DCC: variants seen among roughly 807,000 people sequenced by gnomAD.
DCC encodes DCC netrin 1 receptor.
A neutral mutation model predicts 172.5 loss-of-function variants in DCC; 58 were observed. That is an observed-to-expected ratio of 0.34 (90% CI 0.27 to 0.42). The LOEUF is 0.42. Ranked by LOEUF, DCC falls within the 10% of genes least tolerant of loss-of-function variation. DCC has a pLI of 1.00. For missense variants in DCC, 1,740 were observed against 1,791.0 expected (o/e 0.97, Z 0.51); for synonymous variants, 709 against 644.5 (o/e 1.10, Z -1.52).
chr18:53,427,677 G>T (rs896665667), intron 21 of DCC, among the ~76,000 whole-genome samples: 1 of 150,342 alleles, frequency 6.7e-6, no homozygotes, highest in East Asian at 1.9e-4. Flanking sequence ...ATCTTGATCT[G>T]TCCAGCTCCT....
At chr18:52,434,204 A>G (rs1490805125) in intron 1 of DCC, among the ~76,000 whole-genome samples, 2 of 152,186 alleles carry the variant, frequency 1.3e-5, no homozygotes, top group Non-Finnish European at 2.9e-5. Flanking sequence ...CTATAATTAG[A>G]TATACTTTAC....
intron 1 of DCC, among the ~76,000 whole-genome samples, chr18:52,394,807 C>A (rs1986157194): frequency 6.6e-6 from 1 of 152,008 alleles, no homozygotes; most frequent in South Asian, 2.1e-4. Flanking sequence ...ATGTTTTTAA[C>A]CTGAGGTTTG....
At chr18:52,557,046 T>A (rs2144733024) in intron 1 of DCC, among the ~76,000 whole-genome samples, 1 of 152,346 alleles carries the variant, frequency 6.6e-6, no homozygotes, top group East Asian at 1.9e-4. Flanking sequence ...TAAGTTACAA[T>A]CAGCTCAAAC....
At chr18:53,309,082 G>A (rs1234243038) in intron 13 of DCC, among the ~76,000 whole-genome samples, 1 of 151,932 alleles carries the variant, frequency 6.6e-6, no homozygotes, top group Non-Finnish European at 1.5e-5. Flanking sequence ...CTCTTACCCA[G>A]GCTGGAGTAC....
intron 1 of DCC, among the ~76,000 whole-genome samples, chr18:52,360,025 A>G (rs912193989): frequency 6.6e-6 from 1 of 152,154 alleles, no homozygotes; most frequent in Non-Finnish European, 1.5e-5. Context: ...TGTTGTAGCT[A>G]TTACACTATT....
At chr18:53,050,016 G>A (rs71368908) in intron 5 of DCC, among the ~76,000 whole-genome samples, 4 of 151,900 alleles carry the variant, frequency 2.6e-5, no homozygotes, top group South Asian at 2.1e-4. Flanking sequence ...GCCTGAGAGC[G>A]CCTGGCAAAT....
At chr18:53,522,035 G>A (rs1186817930) in intron 27 of DCC, among the ~76,000 whole-genome samples, 1 of 152,034 alleles carries the variant, frequency 6.6e-6, no homozygotes, top group Non-Finnish European at 1.5e-5. Flanking sequence ...CAAAATTCAG[G>A]CAACACAATT....
At chr18:52,910,042 G>A (rs2039948514) in intron 3 of DCC, among the ~76,000 whole-genome samples, 1 of 152,130 alleles carries the variant, frequency 6.6e-6, no homozygotes, top group African/African-American at 2.4e-5. Flanking sequence ...AGCGATAAAG[G>A]GGAAGAAGCT....
At chr18:52,905,836 GACA>G (rs2039874471) in intron 2 of DCC, among the ~76,000 whole-genome samples, 1 of 152,134 alleles carries the variant, frequency 6.6e-6, no homozygotes. Flanking sequence ...AGAGATGAAT[GACA>G]ACATCTTCAT....
At chr18:52,818,677 G>T (rs886121870) in intron 2 of DCC, among the ~76,000 whole-genome samples, 2 of 152,126 alleles carry the variant, frequency 1.3e-5, no homozygotes, top group Non-Finnish European at 2.9e-5. Context: ...TATTTAGGTA[G>T]CATCTGAGAT....
intron 15 of DCC, among the ~76,000 whole-genome samples, chr18:53,362,038 C>T (rs1255993387): frequency 1.3e-5 from 2 of 152,206 alleles, no homozygotes; most frequent in Admixed American, 1.3e-4. Context: ...ATTTGGCCCT[C>T]TTCTTATCAT....
chr18:52,612,695 C>T (rs2034297823), intron 1 of DCC, among the ~76,000 whole-genome samples: 1 of 152,120 alleles, frequency 6.6e-6, no homozygotes, highest in Admixed American at 6.6e-5. Context: ...ATGGTTGTTC[C>T]TCTTGTATTG....
At chr18:53,511,955 G>C (rs2046260692) in intron 27 of DCC, among the ~76,000 whole-genome samples, 1 of 152,222 alleles carries the variant, frequency 6.6e-6, no homozygotes, top group South Asian at 2.1e-4. Context: ...GAACTGGGTG[G>C]AGCCCACCAC....
In DCC at chr18:53,482,947, C is replaced by T. The variant is rs553770987; in HGVS notation, c.3737-3850C>T. ...TCATTATTATTATATTAACTATATA[C>T]CCCAGGAGAGTAAATCATATATCAA... On this transcript the variant is annotated intron_variant, in intron 25 of 28. Transcript: ENST00000442544. Among the ~76,000 whole-genome samples, 17 of 151,832 alleles carry T rather than the reference C, an allele frequency of 1.1e-4. No homozygotes were observed. In the South Asian group the frequency reaches 2.5e-3, roughly 22 times the overall value.
intron 28 of DCC, among the ~76,000 whole-genome samples, chr18:53,527,708 AC>A (rs1352075837): frequency 3.9e-5 from 6 of 151,944 alleles, no homozygotes; most frequent in African/African-American, 1.2e-4. Flanking sequence ...GAAAAAAAAA[AC>A]ATTTATCCCG....
chr18:53,493,475 G>T (rs2045982688), intron 26 of DCC, among the ~76,000 whole-genome samples: 2 of 152,000 alleles, frequency 1.3e-5, no homozygotes, highest in Admixed American at 1.3e-4. Context: ...GTTGTAAATA[G>T]CTCTTATTAT....
At chr18:52,941,564 T>C (rs1388495046) in intron 5 of DCC, among the ~76,000 whole-genome samples, 1 of 152,012 alleles carries the variant, frequency 6.6e-6, no homozygotes, top group Non-Finnish European at 1.5e-5. Context: ...ACACACACTA[T>C]ATATGCATAT....
intron 27 of DCC, among the ~76,000 whole-genome samples, chr18:53,516,053 T>C (rs1200159969): frequency 2.1e-5 from 3 of 145,988 alleles, no homozygotes; most frequent in African/African-American, 5.6e-5. Flanking sequence ...CAAACTATAC[T>C]ACAAGGCTAC....
In DCC at chr18:53,530,724, C is replaced by A; in HGVS notation, c.*71C>A. 1 of 838,506 alleles carries A rather than the reference C, an allele frequency of 1.2e-6. No homozygotes were observed. The highest frequency in any genetic ancestry group is 2.1e-6 in the Non-Finnish European group (1 of 472,536). 51.9% of individuals were successfully genotyped at this position (838,506 alleles called of 1,614,324 possible). A position where few individuals can be genotyped will look rare whatever the true frequency, so the allele number is the denominator to read the frequency against. ...GCATACCAATTACCCATAAACAGCA[C>A]ACCTGTGTCCAAGAACTCTAACCAG... is the stretch of plus-strand genomic sequence containing the variant. On this transcript the variant is annotated 3_prime_UTR_variant, in exon 29 of 29. Transcript: ENST00000442544.
Sources: gnomAD v4.1 joint callset for allele counts (sites outside exome capture counted in the v4.1 genomes callset) on GRCh38, gnomAD v4.1.1 for gene constraint, MANE v1.5 for transcripts, NCBI Gene and HGNC (gene_info 2026-07-23, HGNC 2026-07-21) for gene names.